MTSS1: variants seen among roughly 807,000 people sequenced by gnomAD.
MTSS1 encodes the protein protein MTSS 1.
MTSS1 carries 18 observed loss-of-function variants against 79.0 expected under a neutral mutation model. The observed-to-expected ratio is 0.23, with a 90% CI of 0.16 to 0.34. MTSS1 has a LOEUF of 0.34. MTSS1 is among the 10% of genes least tolerant of loss of function. MTSS1 has a pLI of 1.00. For synonymous variants in MTSS1, 341 were observed against 368.6 expected, an observed-to-expected ratio of 0.93 and a Z score of 0.86; for missense variants, 815 against 986.2, an observed-to-expected ratio of 0.83 and a Z score of 2.33.
At chr8:124,602,730 G>T (rs55761833) in intron 3 of MTSS1, among the ~76,000 whole-genome samples, 1 of 152,312 alleles carries the variant, frequency 6.6e-6, no homozygotes, top group African/African-American at 2.4e-5. Context: ...CAGCCTGGGG[G>T]TCTATAAGGT....
Position 124,563,928 on chromosome 8 carries a change from C to T in MTSS1, c.825-936G>A, listed in dbSNP as rs1295045206. Among the ~76,000 whole-genome samples the T allele has an allele frequency of 4.6e-5, 7 of 152,180 alleles. No individual in the cohort carries two copies. In the South Asian group the frequency reaches 8.3e-4, roughly 18 times the overall value. On this transcript the variant is annotated intron_variant, in intron 9 of 13. Coordinates refer to ENST00000518547, the MANE Select transcript of MTSS1 (RefSeq NM_014751.6). ...GGTGGATCACCTGAAGTCAGGAGTT[C>T]AAGACTAGCCTGGCCAATACGGTGA...
Position 124,555,917 on chromosome 8 carries a change from GGAGA to G in MTSS1, c.1405-17_1405-14del, listed in dbSNP as rs770292382. On this transcript the variant is annotated splice_polypyrimidine_tract_variant and intron_variant, in intron 12 of 13. Transcript: ENST00000518547. ...TCTCCTCACCAGGCTGCAGGTTGGA[GGAGA>G]GAAATACACAGGTTGCTTTAGGGGG... 2.5e-6 allele frequency: 4 copies of G among 1,599,080 alleles called. No homozygotes were observed. The highest frequency in any genetic ancestry group is 3.4e-6 in the Non-Finnish European group (4 of 1,177,782).
At chr8:124,570,329 G>C (rs1473453873) in intron 6 of MTSS1, among the ~76,000 whole-genome samples, 4 of 152,142 alleles carry the variant, frequency 2.6e-5, no homozygotes, top group Non-Finnish European at 5.9e-5. Flanking sequence ...ATGTATCTAA[G>C]TCCACGGAGG....
chr8:124,617,831 T>C (rs1279604964), intron 3 of MTSS1, among the ~76,000 whole-genome samples: 3 of 152,168 alleles, frequency 2.0e-5, no homozygotes, highest in Non-Finnish European at 2.9e-5. Context: ...AGACTTTATT[T>C]CTAAAATCCC....
chr8:124,569,260 C>T (rs1179482295), intron 6 of MTSS1, among the ~76,000 whole-genome samples: 1 of 152,346 alleles, frequency 6.6e-6, no homozygotes, highest in Non-Finnish European at 1.5e-5. Context: ...GCAACCACTT[C>T]TGGAGTTTAA....
intron 7 of MTSS1, among the ~76,000 whole-genome samples, 182 bp from the exon 8 acceptor site, chr8:124,567,360 A>T (rs1826721653): frequency 6.6e-6 from 1 of 152,262 alleles, no homozygotes; most frequent in African/African-American, 2.4e-5. Flanking sequence ...ATGAGATGGA[A>T]AAAGAAATCT....
At chr8:124,658,533 G>A (rs904519224) in intron 3 of MTSS1, among the ~76,000 whole-genome samples, 4 of 152,164 alleles carry the variant, frequency 2.6e-5, no homozygotes, top group African/African-American at 9.7e-5. Context: ...AAAGAAAAGA[G>A]GTTTAATTGT....
intron 1 of MTSS1, among the ~76,000 whole-genome samples, chr8:124,719,202 C>T (rs1324352251): frequency 2.6e-5 from 4 of 152,168 alleles, no homozygotes; most frequent in South Asian, 2.1e-4. Context: ...ATGGCTTAAC[C>T]GCGCAGCACC....
At chr8:124,670,478 G>A (rs116628682) in intron 3 of MTSS1, among the ~76,000 whole-genome samples, 1,909 of 149,352 alleles carry the variant, frequency 0.013, 37 homozygotes, top group African/African-American at 0.044. Flanking sequence ...GACTCCTGAC[G>A]TCGTCGTACT....
intron 3 of MTSS1, among the ~76,000 whole-genome samples, chr8:124,632,279 C>CAAAAAA (rs59976165): frequency 0.05 from 3,412 of 68,550 alleles, 88 homozygotes; most frequent in Middle Eastern, 0.085. Context: ...GACTCTGTCT[C>CAAAAAA]AAAAAAAAAA....
At chr8:124,583,585 G>A (rs2132497747) in intron 6 of MTSS1, among the ~76,000 whole-genome samples, 1 of 152,302 alleles carries the variant, frequency 6.6e-6, no homozygotes, top group South Asian at 2.1e-4. Context: ...CAAGAACTTA[G>A]GGCCTCTGAA....
chr8:124,696,361 C>T (rs923636670), intron 3 of MTSS1, among the ~76,000 whole-genome samples: 2 of 152,166 alleles, frequency 1.3e-5, no homozygotes, highest in Non-Finnish European at 2.9e-5. Flanking sequence ...ATAAAAGTCA[C>T]TTCTGACACT....
chr8:124,683,790 G>A lies in MTSS1; in HGVS notation c.208+15736C>T, dbSNP rs1383815339. On this transcript the variant is annotated intron_variant, in intron 3 of 13. Transcript: ENST00000518547. The surrounding 1 kb of genome is among the most constrained non-coding windows in gnomAD (Gnocchi z 4.5). ...TAAAAGCCTCCAGGCTCTGGAATCAGAGCCCAGTTGCAGCCTCTTCCAGTG... is the reference window on the plus strand; with the variant it reads ...TAAAAGCCTCCAGGCTCTGGAATCAAAGCCCAGTTGCAGCCTCTTCCAGTG... Among the ~76,000 whole-genome samples, 2 of 152,216 alleles carry A rather than the reference G, an allele frequency of 1.3e-5. No homozygotes were observed. The highest frequency in any genetic ancestry group is 1.3e-4 in the Admixed American group (2 of 15,278).
chr8:124,569,371 T>C (rs1042256680), intron 6 of MTSS1, among the ~76,000 whole-genome samples: 9 of 152,228 alleles, frequency 5.9e-5, no homozygotes, highest in African/African-American at 2.2e-4. Flanking sequence ...ATTTACCATA[T>C]TGCCTGTACC....
At chr8:124,634,843 G>A (rs901676892) in intron 3 of MTSS1, among the ~76,000 whole-genome samples, 1 of 152,222 alleles carries the variant, frequency 6.6e-6, no homozygotes, top group Non-Finnish European at 1.5e-5. Context: ...TGGACTTGCT[G>A]AATCAGAACC....
At chr8:124,642,683 C>T (rs1818275986) in intron 3 of MTSS1, among the ~76,000 whole-genome samples, 1 of 152,104 alleles carries the variant, frequency 6.6e-6, no homozygotes, top group Non-Finnish European at 1.5e-5. Flanking sequence ...ACCTCTGCCT[C>T]CCGGGTTCAA....
At position 124,552,761 on chromosome 8, in the gene MTSS1, T is replaced by C; in HGVS notation, c.*231A>G. On this transcript the variant is annotated 3_prime_UTR_variant, in exon 14 of 14. Transcript: ENST00000518547. ...AGAAAAATCAAAAGGGAAACTAAGATTAAAATGTGCAGAAAGAAAATTGTC... is the reference window on the plus strand; with the variant it reads ...AGAAAAATCAAAAGGGAAACTAAGACTAAAATGTGCAGAAAGAAAATTGTC... 2.1e-6 allele frequency: 1 copy of C among 469,528 alleles called. No individual in the cohort carries two copies. Among genetic ancestry groups the C allele is most frequent in the East Asian group, 3.2e-5 (1 of 31,176 alleles). 29.1% of individuals were successfully genotyped at this position (469,528 alleles called of 1,614,324 possible).
At position 124,708,822 on chromosome 8, in the gene MTSS1, CAG is replaced by C. The variant is rs376230425; in HGVS notation, c.73-4633_73-4632del. 7.6e-4 allele frequency among the ~76,000 whole-genome samples: 115 copies of C among 151,470 alleles called. 4 individuals carry two copies. In the South Asian group the frequency reaches 0.024, roughly 31 times the overall value. On this transcript the variant is annotated intron_variant, in intron 1 of 13. Transcript: ENST00000518547. The stretch of plus-strand genomic sequence containing the variant: ...GACTTAATGACACTTGACAGTCTAT[CAG>C]AGAGAGTCAGGCCCACCTGTTTTAG...
intron 3 of MTSS1, among the ~76,000 whole-genome samples, chr8:124,667,203 C>T (rs1367602688): frequency 6.6e-6 from 1 of 152,168 alleles, no homozygotes; most frequent in Non-Finnish European, 1.5e-5. Flanking sequence ...GGATGCAGAG[C>T]TCACCAGGGG....
Sources: gnomAD v4.1 joint callset for allele counts (sites outside exome capture counted in the v4.1 genomes callset) on GRCh38, gnomAD v4.1.1 for gene constraint, Gnocchi (gnomAD v3.1) non-coding constraint, MANE v1.5 for transcripts, NCBI Gene and HGNC (gene_info 2026-07-23, HGNC 2026-07-21) for gene names.